Variants in PIK3C2G observed in about 807,000 individuals in gnomAD.
PIK3C2G encodes the protein phosphatidylinositol 3-kinase C2 domain-containing subunit gamma.
Under a neutral mutation model 181.1 loss-of-function variants are expected in PIK3C2G, and 168 were observed. The ratio of observed to expected loss-of-function variants is 0.93; its 90% CI spans 0.82 to 1.05. The LOEUF (loss-of-function observed/expected upper bound fraction) is 1.05. Among genes scored for constraint, PIK3C2G ranks in the 50% least tolerant of loss-of-function variants. The pLI is 0.00. For missense variants in PIK3C2G, 1,869 were observed against 1,732.8 expected, an observed-to-expected ratio of 1.08 and a Z score of -1.40; for synonymous variants, 573 against 592.2, an observed-to-expected ratio of 0.97 and a Z score of 0.47.
intron 14 of PIK3C2G, among the ~76,000 whole-genome samples, chr12:18,387,191 T>C (rs1396458912): frequency 3.3e-5 from 5 of 152,214 alleles, no homozygotes; most frequent in African/African-American, 1.2e-4. Flanking sequence ...TTTTATTGTC[T>C]ATCCTCTCAA....
chr12:18,547,847 T>G (rs1293322094), intron 26 of PIK3C2G, among the ~76,000 whole-genome samples: 5 of 151,788 alleles, frequency 3.3e-5, no homozygotes, highest in African/African-American at 1.2e-4. Flanking sequence ...GACATTAGCT[T>G]GAAGACTTGG....
chr12:18,531,478 C>T (rs915303434), intron 24 of PIK3C2G, among the ~76,000 whole-genome samples: 1 of 152,114 alleles, frequency 6.6e-6, no homozygotes, highest in Non-Finnish European at 1.5e-5. Flanking sequence ...AGAACAATTT[C>T]ATCCTCCAGA....
In PIK3C2G at chr12:18,349,123, GAGACAATCTTTGTA is replaced by G. The variant is rs1414727011; in HGVS notation, c.1625+2289_1625+2302del. ...GAGCAAGGGAACACCACAGACAGAA[GAGACAATCTTTGTA>G]ATCTAATCTTGGAAGTGGTATACCA... On this transcript the variant is annotated intron_variant, in intron 11 of 32. Transcript: ENST00000538779. Among the ~76,000 whole-genome samples the G allele has an allele frequency of 3.9e-5, 6 of 152,268 alleles. No individual in the cohort carries two copies. In the East Asian group the frequency reaches 9.7e-4, roughly 25 times the overall value.
At chr12:18,623,857 T>C (rs1380575953) in intron 31 of PIK3C2G, among the ~76,000 whole-genome samples, 1 of 151,798 alleles carries the variant, frequency 6.6e-6, no homozygotes, top group African/African-American at 2.4e-5. Context: ...TCTAGAGAAT[T>C]GCTACTGATT....
At chr12:18,532,430 T>C (rs992616924) in intron 24 of PIK3C2G, among the ~76,000 whole-genome samples, 5 of 152,160 alleles carry the variant, frequency 3.3e-5, no homozygotes, top group East Asian at 3.9e-4. Flanking sequence ...TCCTTTTTTT[T>C]CCTAAAAGTT....
chr12:18,289,383 T>G (rs11044008), intron 3 of PIK3C2G, among the ~76,000 whole-genome samples: 107 of 152,332 alleles, frequency 7.0e-4, no homozygotes, highest in Non-Finnish European at 1.3e-3. Flanking sequence ...AATCATGAAT[T>G]TGTATTTTAA....
intron 22 of PIK3C2G, among the ~76,000 whole-genome samples, chr12:18,499,200 C>T (rs1477051440): frequency 6.6e-6 from 1 of 152,204 alleles, no homozygotes; most frequent in African/African-American, 2.4e-5. Flanking sequence ...TTTTTCTTCT[C>T]TGTCTACCAA....
intron 5 of PIK3C2G, among the ~76,000 whole-genome samples, chr12:18,303,146 T>TC (rs1324373895): frequency 1.1e-5 from 1 of 94,618 alleles, no homozygotes; most frequent in Non-Finnish European, 2.1e-5. Flanking sequence ...TTCTTTTCTT[T>TC]TCTTTCTTCT....
At chr12:18,443,238 G>T (rs11044119) in intron 18 of PIK3C2G, among the ~76,000 whole-genome samples, 22,248 of 152,134 alleles carry the variant, frequency 0.15, 2,081 homozygotes, top group East Asian at 0.38. Context: ...TTAAGAAATA[G>T]AATTAGCATT....
chr12:18,620,351 A>G (rs1361081400), intron 31 of PIK3C2G, among the ~76,000 whole-genome samples: 2 of 152,164 alleles, frequency 1.3e-5, no homozygotes, highest in Admixed American at 6.5e-5. Context: ...TATTTCTAGT[A>G]GTATTTTTTG....
intron 11 of PIK3C2G, among the ~76,000 whole-genome samples, chr12:18,352,394 C>G (rs1940301870): frequency 6.6e-6 from 1 of 152,180 alleles, no homozygotes; most frequent in African/African-American, 2.4e-5. Context: ...GCCTACAGCT[C>G]TCAACCCCTC....
In PIK3C2G at chr12:18,293,959, G is replaced by T. The variant is rs1156997627; in HGVS notation, c.978G>T (p.Gln326His). 1.2e-6 allele frequency: 2 copies of T among 1,601,520 alleles called. No individual in the cohort carries two copies. Among genetic ancestry groups the T allele is most frequent in the Middle Eastern group, 1.7e-4 (1 of 6,060 alleles). The change falls in exon 5 of 33, where the codon CAG (glutamine) becomes CAT (histidine). Residue 326 changes from glutamine (Q) to histidine (H), a missense_variant. Transcript: ENST00000538779. ...TTCTGCATTTTTGCACAAATGACCA[G>T]CTACTCCCCAAAGATCATATTCTAA... ...AEILHFCTNDQLLPKDHILSV... is the reference protein window; with the variant it reads ...AEILHFCTNDHLLPKDHILSV...
chr12:18,353,832 T>G (rs1372256301), intron 11 of PIK3C2G, among the ~76,000 whole-genome samples: 4 of 152,196 alleles, frequency 2.6e-5, no homozygotes, highest in Non-Finnish European at 5.9e-5. Flanking sequence ...GGCAGTGGGA[T>G]TCTCATCAAA....
In PIK3C2G at chr12:18,567,032, TA is replaced by T; in HGVS notation, c.3989del (p.Asn1330MetfsTer33). The T allele has an allele frequency of 1.3e-6, 2 of 1,499,118 alleles. No individual in the cohort carries two copies. Among genetic ancestry groups the T allele is most frequent in the Non-Finnish European group, 1.9e-6 (2 of 1,079,744 alleles). The allele number at this position is 1,499,118 out of a possible 1,614,324, so 92.9% of individuals were successfully genotyped here. On this transcript the variant is annotated frameshift_variant, in exon 29 of 33. Transcript: ENST00000538779. LOFTEE classifies it high-confidence loss of function. Reference protein sequence around the residue: ...RDLNHYMEQILNVSHEVTNSD... With the variant: ...RDLNHYMEQIXNVSHEVTNSD... The stretch of plus-strand genomic sequence containing the variant: ...CTAAATCATTACATGGAACAGATAT[TA>T]AATGTATCACATGAAGTTACAAACG...
intron 12 of PIK3C2G, 87 bp downstream of exon 12, chr12:18,362,973 T>TA (rs59381069): frequency 0.019 from 19,332 of 996,294 alleles, 379 homozygotes; most frequent in African/African-American, 0.096. Flanking sequence ...GGATGTAATT[T>TA]AAAAAAAATA....
At chr12:18,364,663 T>A (rs1941510629) in intron 12 of PIK3C2G, among the ~76,000 whole-genome samples, 1 of 152,102 alleles carries the variant, frequency 6.6e-6, no homozygotes, top group South Asian at 2.1e-4. Flanking sequence ...TTCAGGAGGC[T>A]AAGGCAGATG....
chr12:18,679,672 A>G, the PIK3C2G span, among the ~76,000 whole-genome samples: 2 of 152,024 alleles, frequency 1.3e-5, no homozygotes, highest in Admixed American at 6.6e-5. Context: ...GGCACACATT[A>G]GGCCCTGGCT....
intron 13 of PIK3C2G, among the ~76,000 whole-genome samples, chr12:18,371,547 A>G (rs992107644): frequency 6.6e-6 from 1 of 152,170 alleles, no homozygotes. Flanking sequence ...ATGAAAAGGT[A>G]TTGGCATGAC....
intron 28 of PIK3C2G, among the ~76,000 whole-genome samples, chr12:18,566,632 A>C (rs949729245): frequency 5.3e-5 from 8 of 152,190 alleles, no homozygotes; most frequent in Admixed American, 6.5e-5. Flanking sequence ...AACTTCAGAC[A>C]GTCTTTTTTT....
Sources: gnomAD v4.1 joint callset for allele counts (sites outside exome capture counted in the v4.1 genomes callset) on GRCh38, gnomAD v4.1.1 for gene constraint, MANE v1.5 for transcripts, NCBI Gene and HGNC (gene_info 2026-07-23, HGNC 2026-07-21) for gene names.